SLC35F4: variants seen among roughly 807,000 people sequenced by gnomAD.
The protein encoded by SLC35F4 is solute carrier family 35 member F4.
In SLC35F4, 24 loss-of-function variants were observed where a neutral mutation model predicts 44.2. The observed-to-expected ratio is 0.54, with a 90% confidence interval of 0.39 to 0.76. SLC35F4 has a LOEUF of 0.76. Among genes scored for constraint, SLC35F4 ranks in the 30% least tolerant of loss-of-function variants. The pLI, the probability that SLC35F4 is intolerant of heterozygous loss-of-function variation, is 0.00. For missense variants in SLC35F4, 562 were observed against 586.1 expected (o/e 0.96, Z 0.42); for synonymous variants, 238 against 223.6 (o/e 1.06, Z -0.57).
At chr14:57,784,219 T>A (rs968539588) in intron 1 of SLC35F4, among the ~76,000 whole-genome samples, 4 of 152,098 alleles carry the variant, frequency 2.6e-5, no homozygotes, top group Non-Finnish European at 5.9e-5. Flanking sequence ...TGCTAGAGAA[T>A]GAGAAAGACA....
chr14:57,583,579 G>A (rs934489561), intron 3 of SLC35F4, among the ~76,000 whole-genome samples: 1 of 152,178 alleles, frequency 6.6e-6, no homozygotes, highest in Non-Finnish European at 1.5e-5. Context: ...GACAGACAGA[G>A]CCTCACTGGC....
chr14:57,581,031 T>C (rs963601254), intron 4 of SLC35F4, 183 bp downstream of exon 4: 1 of 484,864 alleles, frequency 2.1e-6, no homozygotes. Context: ...AAACAAACTG[T>C]TTATCCTTCT....
At chr14:57,851,853 G>A (rs1886602356) in intron 1 of SLC35F4, among the ~76,000 whole-genome samples, 1 of 152,182 alleles carries the variant, frequency 6.6e-6, no homozygotes, top group South Asian at 2.1e-4. Context: ...ACTGAGTGAG[G>A]AAGCTGAGTG....
At chr14:57,807,686 C>G (rs1337068175) in intron 1 of SLC35F4, among the ~76,000 whole-genome samples, 1 of 151,896 alleles carries the variant, frequency 6.6e-6, no homozygotes, top group Non-Finnish European at 1.5e-5. Context: ...AATTTGCTTA[C>G]CAACATCACA....
chr14:57,572,149 T>C, intron 4 of SLC35F4, 130 bp from the exon 5 acceptor site: 1 of 1,026,116 alleles, frequency 9.7e-7, no homozygotes. Flanking sequence ...TCACTTTAAA[T>C]GTAGGAAGGC....
At chr14:57,735,657 A>C (rs1092014) in intron 1 of SLC35F4, among the ~76,000 whole-genome samples, 1 of 152,110 alleles carries the variant, frequency 6.6e-6, no homozygotes, top group African/African-American at 2.4e-5. Context: ...TGGAAGATGC[A>C]TAATGTTATT....
chr14:57,599,266 A>G (rs2070673626), intron 1 of SLC35F4, among the ~76,000 whole-genome samples: 1 of 152,226 alleles, frequency 6.6e-6, no homozygotes, highest in South Asian at 2.1e-4. Flanking sequence ...AAAGGTGGTC[A>G]AGGTATAGGG....
intron 1 of SLC35F4, among the ~76,000 whole-genome samples, chr14:57,861,082 C>A (rs556780740): frequency 6.6e-6 from 1 of 152,234 alleles, no homozygotes; most frequent in East Asian, 1.9e-4. Flanking sequence ...TTTAAACGGA[C>A]CCTTAAGGCT....
chr14:57,844,333 G>A (rs2140968778), intron 1 of SLC35F4, among the ~76,000 whole-genome samples: 1 of 152,306 alleles, frequency 6.6e-6, no homozygotes, highest in Admixed American at 6.5e-5. Flanking sequence ...AAGGCTTGTA[G>A]TGGTGTGAAT....
chr14:57,911,991 G>A (rs1011844890), intron 1 of SLC35F4, among the ~76,000 whole-genome samples: 1 of 151,804 alleles, frequency 6.6e-6, no homozygotes. Flanking sequence ...TTTATTTCCT[G>A]TTGTATGAAT....
chr14:57,952,522 G>T (rs550200532), intron 1 of SLC35F4, among the ~76,000 whole-genome samples: 7 of 151,822 alleles, frequency 4.6e-5, no homozygotes, highest in Non-Finnish European at 8.8e-5. Flanking sequence ...ACCCATGCAA[G>T]GAAGCTAAGA....
chr14:57,753,774 G>A (rs962813248), intron 1 of SLC35F4, among the ~76,000 whole-genome samples: 3 of 152,002 alleles, frequency 2.0e-5, no homozygotes, highest in African/African-American at 4.8e-5. Context: ...TCTTCTTTAG[G>A]GTGGAGGGGA....
intron 1 of SLC35F4, among the ~76,000 whole-genome samples, chr14:57,789,581 G>A (rs762541685): frequency 2.6e-5 from 4 of 152,192 alleles, no homozygotes; most frequent in African/African-American, 9.6e-5. Flanking sequence ...AGAGGAGCTG[G>A]TACCATTCCT....
At chr14:57,579,330 C>G (rs2069062179) in intron 4 of SLC35F4, 1 of 152,200 alleles carries the variant, frequency 6.6e-6, no homozygotes, top group African/African-American at 2.4e-5. Flanking sequence ...GGTTGGTAGC[C>G]TATAGGCAGA....
At chr14:57,788,432 A>G (rs1250059182) in intron 1 of SLC35F4, among the ~76,000 whole-genome samples, 2 of 152,188 alleles carry the variant, frequency 1.3e-5, no homozygotes, top group Non-Finnish European at 1.5e-5. Flanking sequence ...AAATATATAC[A>G]GAACATTTCA....
intron 1 of SLC35F4, among the ~76,000 whole-genome samples, chr14:57,654,082 T>C (rs1450908291): frequency 6.6e-6 from 1 of 152,190 alleles, no homozygotes; most frequent in African/African-American, 2.4e-5. Flanking sequence ...ACCAGTCATA[T>C]TGCATTAGGT....
intron 1 of SLC35F4, among the ~76,000 whole-genome samples, chr14:57,718,432 T>C (rs2075998654): frequency 6.6e-6 from 1 of 152,204 alleles, no homozygotes; most frequent in African/African-American, 2.4e-5. Flanking sequence ...CTGTTCTCTG[T>C]AGTGGTTGTA....
intron 1 of SLC35F4, among the ~76,000 whole-genome samples, chr14:57,661,795 A>G (rs1240675636): frequency 6.6e-6 from 1 of 152,152 alleles, no homozygotes; most frequent in Non-Finnish European, 1.5e-5. Flanking sequence ...CCCCACTTCC[A>G]AAGTTTTTGA....
chr14:57,693,451 C>G (rs1205463712), intron 1 of SLC35F4, among the ~76,000 whole-genome samples: 1 of 152,184 alleles, frequency 6.6e-6, no homozygotes, highest in Non-Finnish European at 1.5e-5. Flanking sequence ...GGGCAGAAAA[C>G]TGCTTAAAGG....
Sources: allele counts gnomAD v4.1 joint callset (sites outside exome capture counted in the v4.1 genomes callset), GRCh38; gene constraint gnomAD v4.1.1; transcripts MANE v1.5; gene names NCBI Gene and HGNC (gene_info 2026-07-23, HGNC 2026-07-21).